Variants in LBH observed in about 807,000 individuals in gnomAD.
LBH encodes the protein protein LBH.
LBH carries 7 observed loss-of-function variants against 12.5 expected under a neutral mutation model. The ratio of observed to expected loss-of-function variants is 0.56; its 90% CI spans 0.32 to 1.05. LBH has a LOEUF of 1.05. LBH is among the 50% of genes least tolerant of loss of function. The pLI, the probability that LBH is intolerant of heterozygous loss-of-function variation, is 0.04. For synonymous variants in LBH, 51 were observed against 50.1 expected, an observed-to-expected ratio of 1.02 and a Z score of -0.08; for missense variants, 119 against 138.9, an observed-to-expected ratio of 0.86 and a Z score of 0.72.
chr2:30,239,314 A>C (rs947710008), intron 2 of LBH, among the ~76,000 whole-genome samples: 1 of 152,164 alleles, frequency 6.6e-6, no homozygotes, highest in Non-Finnish European at 1.5e-5. Context: ...TTAAGCCCTT[A>C]GGAAGGTTTC....
chr2:30,258,264 A>G lies in LBH; in HGVS notation c.*643A>G, dbSNP rs1463412323. 1 of 152,566 alleles carries G rather than the reference A, an allele frequency of 6.6e-6. No homozygotes were observed. The highest frequency in any genetic ancestry group is 1.5e-5 in the Non-Finnish European group (1 of 68,386). The allele number at this position is 152,566 out of a possible 1,614,324, so 9.5% of individuals were successfully genotyped here. On this transcript the variant is annotated 3_prime_UTR_variant, in exon 3 of 3. Coordinates refer to ENST00000395323, the MANE Select transcript of LBH (RefSeq NM_030915.4). ...GGAGCAATTGGCTGCCTGCAAAGCC[A>G]GCTGGAGGTGAAGTGCAGGAAAGGA...
chr2:30,254,341 T>G (rs1678041519), intron 2 of LBH, among the ~76,000 whole-genome samples: 1 of 152,198 alleles, frequency 6.6e-6, no homozygotes, highest in Non-Finnish European at 1.5e-5. Flanking sequence ...TGTCTCACAA[T>G]ATCTTATTGT....
chr2:30,251,176 C>T (rs756181173), intron 2 of LBH, among the ~76,000 whole-genome samples: 2 of 151,352 alleles, frequency 1.3e-5, no homozygotes, highest in Non-Finnish European at 3.0e-5. Flanking sequence ...CACCTCAGCC[C>T]CACAAAGTGC....
At chr2:30,232,118 G>C (rs370197759) in intron 1 of LBH, 1 of 1,544,480 alleles carries the variant, frequency 6.5e-7, no homozygotes, top group South Asian at 1.2e-5. Flanking sequence ...GGCGCAGGGG[G>C]GCTCCTGCTC....
At chr2:30,241,190 T>C (rs1677782593) in intron 2 of LBH, among the ~76,000 whole-genome samples, 1 of 152,328 alleles carries the variant, frequency 6.6e-6, no homozygotes. Context: ...GGTCAGCCAC[T>C]TATCCCCATG....
intron 2 of LBH, among the ~76,000 whole-genome samples, chr2:30,246,247 T>C: frequency 6.6e-6 from 1 of 152,178 alleles, no homozygotes; most frequent in Non-Finnish European, 1.5e-5. Flanking sequence ...CGTGAGCCAC[T>C]GCACCTGGCC....
intron 2 of LBH, among the ~76,000 whole-genome samples, chr2:30,256,125 T>C (rs903217903): frequency 8.5e-5 from 13 of 152,186 alleles, no homozygotes; most frequent in African/African-American, 3.1e-4. Context: ...GATTAAGTAC[T>C]TAAACTGCTG....
intron 1 of LBH, chr2:30,232,419 C>G: frequency 3.1e-6 from 2 of 649,340 alleles, no homozygotes; most frequent in Non-Finnish European, 4.8e-6. Flanking sequence ...GAGCCCGGGC[C>G]GGGCGCGGGG....
Position 30,251,576 on chromosome 2 carries a change from A to G in LBH, c.130-5857A>G, listed in dbSNP as rs112284551. 4.0e-3 allele frequency among the ~76,000 whole-genome samples: 593 copies of G among 148,748 alleles called. 4 individuals are homozygous for G. The highest frequency in any genetic ancestry group is 0.014 in the African/African-American group (565 of 40,518). On this transcript the variant is annotated intron_variant, in intron 2 of 2. Coordinates refer to ENST00000395323, the MANE Select transcript of LBH (RefSeq NM_030915.4). ...CAGCACTTTGGGAGGCTGAAGTGGG[A>G]GGATCACTTGATCCTGGAAGGTTGA...
chr2:30,232,313 T>G, intron 1 of LBH: 1 of 1,390,560 alleles, frequency 7.2e-7, no homozygotes. Context: ...CGCTGCAGCC[T>G]CTCAACCCCT....
intron 2 of LBH, among the ~76,000 whole-genome samples, chr2:30,248,314 A>G (rs1677911967): frequency 1.3e-5 from 2 of 152,030 alleles, no homozygotes; most frequent in Non-Finnish European, 2.9e-5. Flanking sequence ...TAGAATGGGT[A>G]GAGACGGAAT....
intron 2 of LBH, among the ~76,000 whole-genome samples, chr2:30,253,394 T>A (rs954207677): frequency 3.3e-5 from 5 of 152,216 alleles, no homozygotes; most frequent in Non-Finnish European, 7.3e-5. Flanking sequence ...GCTACAATTT[T>A]GAGGCCCAAA....
chr2:30,245,846 A>G (rs969041482), intron 2 of LBH, among the ~76,000 whole-genome samples: 2 of 151,848 alleles, frequency 1.3e-5, no homozygotes, highest in African/African-American at 4.8e-5. Context: ...AACAACAAAA[A>G]CCTGTTCTTT....
At position 30,245,620 on chromosome 2, in the gene LBH, G is replaced by T. The variant is rs1249208104; in HGVS notation, c.129+11113G>T. Among the ~76,000 whole-genome samples the T allele has an allele frequency of 2.0e-5, 3 of 152,150 alleles. No homozygotes were observed. In the East Asian group the frequency reaches 5.8e-4, roughly 29 times the overall value. Reference sequence around the variant, plus strand: ...AGTCCAGAACCTCTCAGCACAGAGGGATTACAGACTTAAGAATCCGGATAA... The same window carrying T: ...AGTCCAGAACCTCTCAGCACAGAGGTATTACAGACTTAAGAATCCGGATAA... On this transcript the variant is annotated intron_variant, in intron 2 of 2. Transcript: ENST00000395323.
chr2:30,232,633 G>C (rs1246635905), intron 1 of LBH: 2 of 162,128 alleles, frequency 1.2e-5, no homozygotes, highest in East Asian at 3.4e-4. Context: ...TCTCCGGCAG[G>C]CGCTGAGCGA....
At chr2:30,232,251 G>GGCCCGCC in intron 1 of LBH, 1 of 488,900 alleles carries the variant, frequency 2.0e-6, no homozygotes, top group South Asian at 1.7e-5. Context: ...TGGGGGGCGG[G>GGCCCGCC]AAACGCTCTC....
intron 1 of LBH, chr2:30,232,337 C>T: frequency 8.2e-7 from 1 of 1,212,636 alleles, no homozygotes; most frequent in Non-Finnish European, 1.1e-6. Flanking sequence ...CTCTCCACCG[C>T]CCCTAAAAAC....
chr2:30,237,717 C>T (rs977547197), intron 2 of LBH, among the ~76,000 whole-genome samples: 11 of 152,194 alleles, frequency 7.2e-5, no homozygotes, highest in African/African-American at 2.7e-4. Flanking sequence ...GCTACTGGTC[C>T]TGGGGCAGTT....
intron 2 of LBH, among the ~76,000 whole-genome samples, chr2:30,255,934 G>C (rs1558391078): frequency 6.6e-6 from 1 of 152,166 alleles, no homozygotes; most frequent in Non-Finnish European, 1.5e-5. Context: ...CCTTAGGCAG[G>C]TCTCCTGACC....
Sources: allele counts gnomAD v4.1 joint callset (sites outside exome capture counted in the v4.1 genomes callset), GRCh38; gene constraint gnomAD v4.1.1; transcripts MANE v1.5; gene names NCBI Gene and HGNC (gene_info 2026-07-23, HGNC 2026-07-21).